Variants in FMNL3 observed in about 807,000 individuals in gnomAD.
FMNL3 encodes formin-like protein 3.
Under a neutral mutation model 119.6 loss-of-function variants are expected in FMNL3, and 57 were observed. The observed-to-expected ratio is 0.48, with a 90% CI of 0.39 to 0.59. The LOEUF is 0.59. FMNL3 is among the 20% of genes least tolerant of loss of function. The probability of loss-of-function intolerance (pLI) is 0.00; values close to 1 mark genes in which losing one functional copy is unlikely to be tolerated. For synonymous variants in FMNL3, 491 were observed against 507.3 expected, an observed-to-expected ratio of 0.97 and a Z score of 0.43; for missense variants, 1,053 against 1,323.5, an observed-to-expected ratio of 0.80 and a Z score of 3.17.
At chr12:49,660,075 A>T (rs138790205) in intron 5 of FMNL3, 2 of 438,002 alleles carry the variant, frequency 4.6e-6, no homozygotes, top group African/African-American at 4.3e-5. Context: ...ACATCAGAGG[A>T]ACCTCCTGAC....
In FMNL3 at chr12:49,647,359, G is replaced by C; in HGVS notation, c.2788C>G (p.Gln930Glu). The change falls in exon 24 of 26, where the codon CAA becomes GAA. Residue 930 changes from glutamine (Q) to glutamate (E), a missense_variant. Physicochemically the swap from Gln to Glu is conservative, Grantham distance 29. Around this residue, in one of 4 missense-constraint regions of FMNL3, gnomAD observed 324 missense variants for 380.9 expected, o/e 0.85. Coordinates refer to ENST00000335154, the MANE Select transcript of FMNL3 (RefSeq NM_175736.5). The surrounding 1 kb of genome is among the most constrained non-coding windows in gnomAD (Gnocchi z 4.9). Reference protein sequence around the residue: ...RFIRSYKEAEQENEARKKQEE... With the variant: ...RFIRSYKEAEEENEARKKQEE... Reference sequence around the variant, plus strand: ...TGCTTCTTGCGGGCTTCATTCTCTTGTTCTGCTTCCTAAGAGCCATGGAAG... The same window carrying C: ...TGCTTCTTGCGGGCTTCATTCTCTTCTTCTGCTTCCTAAGAGCCATGGAAG... 6.2e-7 allele frequency: 1 copy of C among 1,612,598 alleles called. No individual in the cohort carries two copies. Among genetic ancestry groups the C allele is most frequent in the East Asian group, 2.2e-5 (1 of 44,882 alleles).
At position 49,650,115 on chromosome 12, in the gene FMNL3, TTAA is replaced by T. The variant is rs369373978; in HGVS notation, c.2001-193_2001-191del. On this transcript the variant is annotated intron_variant, in intron 17 of 25. Coordinates refer to ENST00000335154, the MANE Select transcript of FMNL3 (RefSeq NM_175736.5). ...CCGGGGGAACACTCCATGCTCCTGT[TTAA>T]TAAGCCCTTTGATGTACTCCCACTG... 1.8e-4 allele frequency among the ~76,000 whole-genome samples: 28 copies of T among 152,228 alleles called. No homozygotes were observed. In the East Asian group the frequency reaches 3.9e-3, roughly 21 times the overall value.
intron 1 of FMNL3, among the ~76,000 whole-genome samples, chr12:49,674,314 C>G (rs1944126245): frequency 6.6e-6 from 1 of 152,208 alleles, no homozygotes; most frequent in Admixed American, 6.5e-5. Flanking sequence ...GCCAGAAGGA[C>G]AGGCAACCCC....
intron 25 of FMNL3, chr12:49,646,671 T>C: frequency 6.5e-7 from 1 of 1,535,590 alleles, no homozygotes; most frequent in African/African-American, 1.4e-5. Context: ...GCTAACAGTT[T>C]GACTCATCAT....
intron 5 of FMNL3, among the ~76,000 whole-genome samples, chr12:49,659,569 C>A (rs1396732600): frequency 6.6e-6 from 1 of 152,124 alleles, no homozygotes; most frequent in Non-Finnish European, 1.5e-5. Flanking sequence ...TGCCACCATG[C>A]CTGGCTAATT....
At chr12:49,653,171 C>T (rs1431448117) in intron 13 of FMNL3, 55 bp downstream of exon 13, 1 of 1,528,200 alleles carries the variant, frequency 6.5e-7, no homozygotes, top group Non-Finnish European at 9.0e-7. Context: ...AGCAGAACCC[C>T]AAGGCGCTGG....
chr12:49,697,102 C>T (rs764119254), intron 1 of FMNL3, among the ~76,000 whole-genome samples: 1 of 152,214 alleles, frequency 6.6e-6, no homozygotes, highest in Non-Finnish European at 1.5e-5. Flanking sequence ...AGATTGAGAA[C>T]TACTGTTGAC....
At chr12:49,653,012 T>C (rs1208224718) in intron 13 of FMNL3, among the ~76,000 whole-genome samples, 1 of 152,112 alleles carries the variant, frequency 6.6e-6, no homozygotes, top group African/African-American at 2.4e-5. Context: ...GTTCCCACCC[T>C]CTTATGTGTG....
At chr12:49,668,014 G>A (rs1277944514) in intron 2 of FMNL3, among the ~76,000 whole-genome samples, 2 of 152,242 alleles carry the variant, frequency 1.3e-5, no homozygotes, top group Admixed American at 6.5e-5. Context: ...TTCATGCAGA[G>A]AGAGTTTCCA....
intron 1 of FMNL3, among the ~76,000 whole-genome samples, chr12:49,679,719 C>T (rs1409565670): frequency 1.3e-5 from 2 of 151,948 alleles, no homozygotes; most frequent in Admixed American, 1.3e-4. Context: ...ACAGGTTTCA[C>T]CACGTTGTCC....
rs1942878769 is a variant in FMNL3, at chr12:49,643,021, G to T, written c.*2794C>A. On this transcript the variant is annotated 3_prime_UTR_variant, in exon 26 of 26. Transcript: ENST00000335154. ...AAGCGTTCCCACTCACCCTCAGTGA[G>T]TAAGCGTGTAGAAGGGACATGGGGT... 3 of 1,613,282 alleles carry T rather than the reference G, an allele frequency of 1.9e-6. No individual in the cohort carries two copies. Among genetic ancestry groups the T allele is most frequent in the Non-Finnish European group, 2.5e-6 (3 of 1,179,578 alleles).
intron 1 of FMNL3, among the ~76,000 whole-genome samples, chr12:49,702,360 G>GA (rs886744689): frequency 5.9e-5 from 9 of 151,942 alleles, no homozygotes; most frequent in African/African-American, 2.2e-4. Context: ...TCTATGCAGA[G>GA]AAAAAAATAT....
Position 49,637,601 on chromosome 12 carries a change from C to T in FMNL3, c.*8214G>A, listed in dbSNP as rs1203403568. 3 of 1,607,158 alleles carry T rather than the reference C, an allele frequency of 1.9e-6. No individual in the cohort carries two copies. The highest frequency in any genetic ancestry group is 4.5e-5 in the East Asian group (2 of 44,866). ...GCCAGCCGGGTAAGGCAGCCAGGCT[C>T]CCCCTTCTCTGGCCTGGCTTCCTGC... is the stretch of plus-strand genomic sequence containing the variant. On this transcript the variant is annotated 3_prime_UTR_variant, in exon 26 of 26. Transcript: ENST00000335154.
At position 49,647,445 on chromosome 12, in the gene FMNL3, A is replaced by T. The variant is rs1026083967; in HGVS notation, c.2779-77T>A. ...GGGAGGGGCTGACACTGAGGTGGAG[A>T]GTGGGTGGCAGTGGGACCCGCTAAC... On this transcript the variant is annotated intron_variant, in intron 23 of 25. Transcript: ENST00000335154. This position sits in a 1 kb window ranked among gnomAD's most constrained non-coding sequence, Gnocchi z 4.9. 8.3e-6 allele frequency: 12 copies of T among 1,452,262 alleles called. No individual in the cohort carries two copies. The highest frequency in any genetic ancestry group is 2.8e-5 in the African/African-American group (2 of 71,788). The allele number at this position is 1,452,262 out of a possible 1,614,324, so 90.0% of individuals were successfully genotyped here. A position where few individuals can be genotyped will look rare whatever the true frequency, so the allele number is the denominator to read the frequency against.
Position 49,657,187 on chromosome 12 carries a change from A to C in FMNL3, c.609T>G (p.Tyr203Ter). The change falls in exon 7 of 26, where the codon TAT (tyrosine) becomes TAG (stop). Residue 203 changes from tyrosine to a stop codon, truncating the protein, a stop_gained. Coordinates refer to ENST00000335154, the MANE Select transcript of FMNL3 (RefSeq NM_175736.5). LOFTEE classifies it high-confidence loss of function. ...ARSARQSVLR[Y>*]STLPGRRALK... Reference sequence around the variant, plus strand: ...GGGCCCTGCGCCCAGGGAGAGTGCTATACCTGGGGAGATGGGCCAGGCAGT... The same window carrying C: ...GGGCCCTGCGCCCAGGGAGAGTGCTCTACCTGGGGAGATGGGCCAGGCAGT... 6.2e-7 allele frequency: 1 copy of C among 1,612,418 alleles called. No homozygotes were observed. Among genetic ancestry groups the C allele is most frequent in the African/African-American group, 1.3e-5 (1 of 74,972 alleles).
At chr12:49,687,151 T>C (rs972454611) in intron 1 of FMNL3, among the ~76,000 whole-genome samples, 13 of 151,046 alleles carry the variant, frequency 8.6e-5, no homozygotes, top group Admixed American at 7.9e-4. Context: ...TGGAGTGCAG[T>C]GGCGCGATCT....
At chr12:49,697,001 T>C (rs927909998) in intron 1 of FMNL3, among the ~76,000 whole-genome samples, 3 of 152,098 alleles carry the variant, frequency 2.0e-5, no homozygotes, top group South Asian at 2.1e-4. Flanking sequence ...ACTCCCAAAA[T>C]ACTACATGTG....
rs772307302 is a variant in FMNL3 at position 49,643,414 on chromosome 12, A to G, written c.*2401T>C. ...TTGGAGCAGGTAAGCAGTTGCTGTG[A>G]GCGTAGAAGCTGGAGAACTGTTGTC... is the stretch of plus-strand genomic sequence containing the variant. On this transcript the variant is annotated 3_prime_UTR_variant, in exon 26 of 26. Coordinates refer to ENST00000335154, the MANE Select transcript of FMNL3 (RefSeq NM_175736.5). 22 of 1,535,656 alleles carry G rather than the reference A, an allele frequency of 1.4e-5. No individual in the cohort carries two copies. The highest frequency in any genetic ancestry group is 1.2e-5 in the Non-Finnish European group (14 of 1,144,128).
At chr12:49,689,492 G>A (rs762640185) in intron 1 of FMNL3, among the ~76,000 whole-genome samples, 1 of 152,154 alleles carries the variant, frequency 6.6e-6, no homozygotes, top group Non-Finnish European at 1.5e-5. Context: ...CCAGCACTTT[G>A]AGAAGCTGAG....
Sources: gnomAD v4.1 joint callset for allele counts (sites outside exome capture counted in the v4.1 genomes callset) on GRCh38, gnomAD v4.1.1 for gene constraint, gnomAD v4.1.1 regional missense constraint, Gnocchi (gnomAD v3.1) non-coding constraint, MANE v1.5 for transcripts, NCBI Gene and HGNC (gene_info 2026-07-23, HGNC 2026-07-21) for gene names.